ZNRF3: variants seen among roughly 807,000 people sequenced by gnomAD.
ZNRF3 encodes zinc and ring finger 3.
Under a neutral mutation model 72.5 loss-of-function variants are expected in ZNRF3, and 23 were observed. That is an observed-to-expected ratio of 0.32 (90% confidence interval 0.23 to 0.45). ZNRF3 has a LOEUF of 0.45. Ranked by LOEUF, ZNRF3 falls within the 20% of genes least tolerant of loss-of-function variation. The probability of loss-of-function intolerance (pLI) is 1.00; values close to 1 mark genes in which losing one functional copy is unlikely to be tolerated. For synonymous variants in ZNRF3, 610 were observed against 545.3 expected (o/e 1.12, Z -1.65); for missense variants, 1,169 against 1,272.1 (o/e 0.92, Z 1.23).
intron 2 of ZNRF3, among the ~76,000 whole-genome samples, chr22:28,991,987 T>TA (rs575981502): frequency 0.021 from 2,892 of 139,728 alleles, 61 homozygotes; most frequent in East Asian, 0.076. Flanking sequence ...CACAAAAGAA[T>TA]AAAAAAAAAA....
At chr22:28,987,435 A>G (rs62236876) in intron 2 of ZNRF3, among the ~76,000 whole-genome samples, 12,350 of 152,222 alleles carry the variant, frequency 0.081, 756 homozygotes, top group Middle Eastern at 0.15. Flanking sequence ...CCTCTTGTCC[A>G]TTGTGTGGCC....
chr22:28,887,235 A>AGTGTGTGT (rs1179478685), intron 1 of ZNRF3, among the ~76,000 whole-genome samples: 154 of 93,166 alleles, frequency 1.7e-3, no homozygotes, highest in African/African-American at 5.8e-3. Context: ...AGAGAGAGAG[A>AGTGTGTGT]GTGTGTGTGT....
Position 28,941,846 on chromosome 22 carries a change from A to G in ZNRF3, c.301-45230A>G, listed in dbSNP as rs2034953394. ...GAATCTCTTGAACCCGGGAGGTGGA[A>G]GGGGAGGCTGAGGTGGGAGAATCTC... On this transcript the variant is annotated intron_variant, in intron 1 of 8. Transcript: ENST00000544604. Among the ~76,000 whole-genome samples the G allele has an allele frequency of 2.6e-5, 4 of 151,800 alleles. 1 individual carries two copies. The South Asian group carries it at 8.4e-4, about 32-fold the overall frequency.
intron 1 of ZNRF3, among the ~76,000 whole-genome samples, chr22:28,902,365 C>G (rs999722093): frequency 6.6e-6 from 1 of 151,902 alleles, no homozygotes; most frequent in Admixed American, 6.6e-5. Flanking sequence ...TACGCAGACA[C>G]CCAGCATTTG....
rs1254575273 is a variant in ZNRF3, at chr22:29,049,275, C to G, written c.1094C>G (p.Pro365Arg). The G allele has an allele frequency of 1.9e-6, 3 of 1,613,814 alleles. No individual in the cohort carries two copies. The highest frequency in any genetic ancestry group is 1.3e-5 in the African/African-American group (1 of 74,886). ...GGTCGGCAGCAGAGGGTGACCCTGCCGGTGCATTACCCCGGCCGCGTGCAC... is the reference window on the plus strand; with the variant it reads ...GGTCGGCAGCAGAGGGTGACCCTGCGGGTGCATTACCCCGGCCGCGTGCAC... ...SRGRQQRVTL[P>R]VHYPGRVHRT... Residue 365 changes from proline to arginine, a missense_variant, in exon 8 of 9, where the codon CCG becomes CGG. By Grantham distance (103) the Pro-to-Arg change is moderately radical (BLOSUM62 -2). Coordinates refer to ENST00000544604, the MANE Select transcript of ZNRF3 (RefSeq NM_001206998.2). The surrounding 1 kb of genome is among the most constrained non-coding windows in gnomAD (Gnocchi z 5.2).
chr22:28,909,853 A>G (rs2034284117), intron 1 of ZNRF3, among the ~76,000 whole-genome samples: 1 of 148,944 alleles, frequency 6.7e-6, no homozygotes. Flanking sequence ...TCGGCCTTCC[A>G]AAGTGCTGGA....
At position 29,049,150 on chromosome 22, in the gene ZNRF3, C is replaced by A; in HGVS notation, c.1016-47C>A. The A allele has an allele frequency of 6.6e-7, 1 of 1,519,040 alleles. No individual in the cohort carries two copies. The highest frequency in any genetic ancestry group is 8.9e-7 in the Non-Finnish European group (1 of 1,127,000). 94.1% of individuals were successfully genotyped at this position (1,519,040 alleles called of 1,614,324 possible). ...TTAAAAATCCCTTTAGCCTCTGACA[C>A]CAGTATGCTCAGCCCTGCCTACTCT... is the stretch of plus-strand genomic sequence containing the variant. On this transcript the variant is annotated intron_variant, in intron 7 of 8. Transcript: ENST00000544604. This position sits in a 1 kb window ranked among gnomAD's most constrained non-coding sequence, Gnocchi z 5.2.
rs946874552 is a variant in ZNRF3, at chr22:28,930,338, G to A, written c.300+46272G>A. Among the ~76,000 whole-genome samples, 28 of 152,272 alleles carry A rather than the reference G, an allele frequency of 1.8e-4. 1 individual carries two copies. The highest frequency in any genetic ancestry group is 6.8e-3 in the Middle Eastern group (2 of 294). On this transcript the variant is annotated intron_variant, in intron 1 of 8. Transcript: ENST00000544604. ...ATATAGCTCAGCTGGTGGGAGCAGTGGTGTGTGGAGGTACTAGAGAGTAGT... is the reference window on the plus strand; with the variant it reads ...ATATAGCTCAGCTGGTGGGAGCAGTAGTGTGTGGAGGTACTAGAGAGTAGT...
At chr22:28,992,546 G>GATT (rs2035974828) in intron 2 of ZNRF3, among the ~76,000 whole-genome samples, 1 of 152,098 alleles carries the variant, frequency 6.6e-6, no homozygotes, top group Non-Finnish European at 1.5e-5. Context: ...CCAGAAAAGG[G>GATT]ATTCATTGGC....
intron 2 of ZNRF3, among the ~76,000 whole-genome samples, chr22:29,037,235 A>G (rs577567088): frequency 4.3e-4 from 65 of 152,224 alleles, no homozygotes; most frequent in African/African-American, 1.5e-3. Context: ...CCAAGCCCCA[A>G]ACCAAGTCTG....
chr22:28,952,174 G>A (rs1350423223), intron 1 of ZNRF3, among the ~76,000 whole-genome samples: 3 of 152,242 alleles, frequency 2.0e-5, no homozygotes, highest in East Asian at 1.9e-4. Context: ...ATTACTCTTC[G>A]TGATAGTTTG....
At chr22:28,922,844 A>C (rs2123770499) in intron 1 of ZNRF3, among the ~76,000 whole-genome samples, 1 of 152,284 alleles carries the variant, frequency 6.6e-6, no homozygotes, top group South Asian at 2.1e-4. Flanking sequence ...TTTCCTTCTT[A>C]GCATTTTTTT....
At chr22:28,944,966 AATAATACTC>A (rs2035024978) in intron 1 of ZNRF3, among the ~76,000 whole-genome samples, 1 of 149,290 alleles carries the variant, frequency 6.7e-6, no homozygotes, top group Non-Finnish European at 1.5e-5. Context: ...AATAAATAAT[AATAATACTC>A]ATACTCCTTG....
intron 2 of ZNRF3, among the ~76,000 whole-genome samples, chr22:29,024,572 AC>A (rs1314776987): frequency 6.6e-6 from 1 of 151,904 alleles, no homozygotes; most frequent in Non-Finnish European, 1.5e-5. Flanking sequence ...CAGGGCACTT[AC>A]CTCTCACTGT....
chr22:29,031,548 C>T, intron 2 of ZNRF3: 1 of 981,698 alleles, frequency 1.0e-6, no homozygotes, highest in Non-Finnish European at 1.2e-6. Context: ...AGAACAGCAG[C>T]TGACCAGAAT....
chr22:28,999,560 G>T (rs76459073), intron 2 of ZNRF3, among the ~76,000 whole-genome samples: 3,554 of 152,286 alleles, frequency 0.023, 144 homozygotes, highest in African/African-American at 0.079. Context: ...CAGTTGGCCA[G>T]AATCTCTCAT....
At chr22:28,907,283 G>A (rs531386429) in intron 1 of ZNRF3, among the ~76,000 whole-genome samples, 10 of 151,884 alleles carry the variant, frequency 6.6e-5, no homozygotes, top group Non-Finnish European at 1.2e-4. Flanking sequence ...ATGAGCCACC[G>A]TGCCTGGCCA....
chr22:28,935,485 A>C (rs1302981668), intron 1 of ZNRF3, among the ~76,000 whole-genome samples: 1 of 151,990 alleles, frequency 6.6e-6, no homozygotes, highest in Non-Finnish European at 1.5e-5. Context: ...CATTTCTCTC[A>C]TTCCGGGTTC....
At chr22:28,965,799 C>T (rs535446707) in intron 1 of ZNRF3, among the ~76,000 whole-genome samples, 1 of 152,054 alleles carries the variant, frequency 6.6e-6, no homozygotes, top group Non-Finnish European at 1.5e-5. Context: ...GTCAAAGGCC[C>T]CAATTTAGGA....
Sources: allele counts gnomAD v4.1 joint callset (sites outside exome capture counted in the v4.1 genomes callset), GRCh38; gene constraint gnomAD v4.1.1; non-coding constraint Gnocchi (gnomAD v3.1); transcripts MANE v1.5; gene names NCBI Gene and HGNC (gene_info 2026-07-23, HGNC 2026-07-21).